RNF216: variants seen among roughly 807,000 people sequenced by gnomAD.
RNF216 encodes the protein ring finger protein 216.
RNF216 carries 72 observed loss-of-function variants against 110.8 expected under a neutral mutation model. The ratio of observed to expected loss-of-function variants is 0.65; its 90% CI spans 0.54 to 0.79. The LOEUF (loss-of-function observed/expected upper bound fraction) is 0.79, where lower values mean the gene tolerates loss of function less well. Ranked by LOEUF, RNF216 falls within the 30% of genes least tolerant of loss-of-function variation. The pLI is 0.00. For missense variants in RNF216, 1,342 were observed against 1,141.2 expected, an observed-to-expected ratio of 1.18 and a Z score of -2.54; for synonymous variants, 495 against 407.5, an observed-to-expected ratio of 1.21 and a Z score of -2.59.
chr7:5,685,628 T>C (rs564564924), intron 13 of RNF216, among the ~76,000 whole-genome samples: 3 of 151,978 alleles, frequency 2.0e-5, no homozygotes, highest in Non-Finnish European at 4.4e-5. Flanking sequence ...GGGGGCATAG[T>C]GGAAAAGGAA....
At position 5,741,755 on chromosome 7, in the gene RNF216, G is replaced by T. The variant is rs769980198; in HGVS notation, c.262C>A (p.Leu88Met). The T allele has an allele frequency of 5.0e-6, 8 of 1,614,030 alleles. No individual in the cohort carries two copies. Among genetic ancestry groups the T allele is most frequent in the Admixed American group, 1.7e-5 (1 of 59,996 alleles). ...GGCCTTTCTTCTCCCAACCTTTTCA[G>T]ATCTTGCCACTGGGCAGCTGGTTTG... ...LIKPAAQWQD[L>M]KRLGEERPKK... The change falls in exon 4 of 17, where the codon CTG becomes ATG. Residue 88 changes from leucine (L) to methionine (M), a missense_variant. Coordinates refer to ENST00000389902, the MANE Select transcript of RNF216 (RefSeq NM_207111.4).
At chr7:5,713,019 T>C (rs1218159168) in intron 11 of RNF216, among the ~76,000 whole-genome samples, 156 bp from the exon 12 acceptor site, 3 of 152,168 alleles carry the variant, frequency 2.0e-5, no homozygotes, top group Admixed American at 6.5e-5. Context: ...ATGGAAACCA[T>C]GAAACAAAAA....
chr7:5,626,258 G>A (rs1463711327), intron 15 of RNF216, among the ~76,000 whole-genome samples: 1 of 152,086 alleles, frequency 6.6e-6, no homozygotes, highest in Non-Finnish European at 1.5e-5. Flanking sequence ...ATCACTAAGT[G>A]AGTCAACATG....
intron 2 of RNF216, among the ~76,000 whole-genome samples, chr7:5,756,044 A>G (rs551730020): frequency 1.5e-3 from 231 of 152,278 alleles, no homozygotes; most frequent in South Asian, 3.1e-3. Context: ...TAATCCCCAC[A>G]AGTCACGAGC....
At chr7:5,684,786 TAC>T (rs951761801) in intron 13 of RNF216, among the ~76,000 whole-genome samples, 3 of 152,142 alleles carry the variant, frequency 2.0e-5, no homozygotes, top group African/African-American at 7.2e-5. Flanking sequence ...ACTTTACCTT[TAC>T]AGAGTTCTTT....
At chr7:5,652,907 T>A (rs944645133) in intron 13 of RNF216, among the ~76,000 whole-genome samples, 6 of 152,232 alleles carry the variant, frequency 3.9e-5, no homozygotes, top group African/African-American at 1.4e-4. Context: ...CATCACTTAA[T>A]TTGCATAAGC....
intron 1 of RNF216, chr7:5,779,847 C>T (rs535265576): frequency 3.7e-4 from 36 of 98,220 alleles, no homozygotes; most frequent in African/African-American, 9.4e-4. Context: ...AAAAAAAATG[C>T]TCAATGAATG....
chr7:5,775,494 C>T lies in RNF216; in HGVS notation c.-70+6047G>A, dbSNP rs368342313. 4.6e-5 allele frequency among the ~76,000 whole-genome samples: 7 copies of T among 152,210 alleles called. No individual in the cohort carries two copies. In the East Asian group the frequency reaches 9.6e-4, roughly 21 times the overall value. ...CTCCAGAATACTTCCTGTAAATATGCCTGCCACTTCTGCAACAGATTTGGG... is the reference window on the plus strand; with the variant it reads ...CTCCAGAATACTTCCTGTAAATATGTCTGCCACTTCTGCAACAGATTTGGG... On this transcript the variant is annotated intron_variant, in intron 1 of 16. Transcript: ENST00000389902.
At chr7:5,744,660 A>G (rs1479457692) in intron 3 of RNF216, among the ~76,000 whole-genome samples, 1 of 152,116 alleles carries the variant, frequency 6.6e-6, no homozygotes, top group Non-Finnish European at 1.5e-5. Flanking sequence ...CAAACAAAAA[A>G]CAACCCTCGA....
chr7:5,745,566 A>G (rs1361245238), intron 3 of RNF216, among the ~76,000 whole-genome samples: 5 of 152,180 alleles, frequency 3.3e-5, no homozygotes, highest in African/African-American at 7.2e-5. Context: ...AAATCACTAC[A>G]GATAATAATG....
At chr7:5,762,018 A>G (rs1175255121) in intron 1 of RNF216, among the ~76,000 whole-genome samples, 3 of 152,190 alleles carry the variant, frequency 2.0e-5, no homozygotes, top group African/African-American at 7.2e-5. Context: ...TCCAAGAAAT[A>G]CGCATAATAG....
At position 5,741,494 on chromosome 7, in the gene RNF216, C is replaced by G; in HGVS notation, c.523G>C (p.Glu175Gln). Residue 175 changes from glutamate (E) to glutamine (Q), a missense_variant, in exon 4 of 17, where the codon GAG becomes CAG. Physicochemically the swap from Glu to Gln is conservative, Grantham distance 29. Transcript: ENST00000389902. ...AANDIVNPRS[E>Q]QKVIILEEGS... ...TCTTCCAAGATGATGACTTTCTGCTCTGATCTGGGGTTGACAATGTCATTT... is the reference window on the plus strand; with the variant it reads ...TCTTCCAAGATGATGACTTTCTGCTGTGATCTGGGGTTGACAATGTCATTT... The G allele has an allele frequency of 1.9e-6, 3 of 1,614,178 alleles. No homozygotes were observed. The highest frequency in any genetic ancestry group is 2.5e-6 in the Non-Finnish European group (3 of 1,180,034).
rs1409976558 is a variant in RNF216, at chr7:5,760,007, AT to A, written c.67+995del. ...ATCATCTTTGTAAACACAAAATATT[AT>A]CAATGGGAGAAAACCAGTATAACCT... On this transcript the variant is annotated intron_variant, in intron 2 of 16. Coordinates refer to ENST00000389902, the MANE Select transcript of RNF216 (RefSeq NM_207111.4). Among the ~76,000 whole-genome samples, 3 of 152,302 alleles carry A rather than the reference AT, an allele frequency of 2.0e-5. No individual in the cohort carries two copies. In the East Asian group the frequency reaches 5.8e-4, roughly 29 times the overall value.
intron 1 of RNF216, among the ~76,000 whole-genome samples, chr7:5,774,181 A>C (rs1562483498): frequency 2.2e-4 from 1 of 4,502 alleles, no homozygotes; most frequent in Non-Finnish European, 3.6e-4. Flanking sequence ...CTATGTTTAA[A>C]TCTTGGTTTC....
chr7:5,690,999 C>T (rs1200584009), intron 13 of RNF216, among the ~76,000 whole-genome samples: 1 of 152,214 alleles, frequency 6.6e-6, no homozygotes, highest in Non-Finnish European at 1.5e-5. Flanking sequence ...GAAGCTCCAC[C>T]TCCACACACC....
In RNF216 at chr7:5,727,610, T is replaced by C. The variant is rs145253223; in HGVS notation, c.1389+1822A>G. Reference sequence around the variant, plus strand: ...ATCCAGGTGTGGTGGCGTGCACCTGTAGTCCTAGCTACATGGGAGGCTGAG... The same window carrying C: ...ATCCAGGTGTGGTGGCGTGCACCTGCAGTCCTAGCTACATGGGAGGCTGAG... On this transcript the variant is annotated intron_variant, in intron 7 of 16. Coordinates refer to ENST00000389902, the MANE Select transcript of RNF216 (RefSeq NM_207111.4). Among the ~76,000 whole-genome samples, 626 of 152,220 alleles carry C rather than the reference T, an allele frequency of 4.1e-3. 3 individuals are homozygous for C. Among genetic ancestry groups the C allele is most frequent in the African/African-American group, 0.014 (568 of 41,530 alleles).
At chr7:5,718,095 AG>A (rs1358127281) in intron 9 of RNF216, among the ~76,000 whole-genome samples, 1 of 152,222 alleles carries the variant, frequency 6.6e-6, no homozygotes, top group Non-Finnish European at 1.5e-5. Flanking sequence ...TAAACAAAGC[AG>A]GGGGCCAGGT....
At chr7:5,776,358 C>T (rs56062921) in intron 1 of RNF216, among the ~76,000 whole-genome samples, 58,807 of 150,470 alleles carry the variant, frequency 0.39, 12,305 homozygotes, top group Admixed American at 0.49. Flanking sequence ...CCAAGGCGGG[C>T]GGATCACGAG....
At chr7:5,653,001 G>A (rs571975007) in intron 13 of RNF216, among the ~76,000 whole-genome samples, 10 of 152,234 alleles carry the variant, frequency 6.6e-5, no homozygotes, top group South Asian at 4.1e-4. Flanking sequence ...ACAGTAGCAC[G>A]AGCTGCTTGG....
Sources: gnomAD v4.1 joint callset for allele counts (sites outside exome capture counted in the v4.1 genomes callset) on GRCh38, gnomAD v4.1.1 for gene constraint, MANE v1.5 for transcripts, NCBI Gene and HGNC (gene_info 2026-07-23, HGNC 2026-07-21) for gene names.